The following CDH15 variants were observed in gnomAD, a reference collection of about 807,000 sequenced individuals.
The protein encoded by CDH15 is cadherin-15.
CDH15 carries 73 observed loss-of-function variants against 69.4 expected under a neutral mutation model. The observed-to-expected ratio is 1.05, with a 90% CI of 0.87 to 1.28. The LOEUF (loss-of-function observed/expected upper bound fraction) is 1.28. Among genes scored for constraint, CDH15 ranks in the 50% most tolerant of loss-of-function variants. The pLI is 0.00. For synonymous variants in CDH15, 624 were observed against 507.7 expected (o/e 1.23, Z -3.08); for missense variants, 1,343 against 1,133.6 (o/e 1.18, Z -2.65).
At position 89,192,153 on chromosome 16, in the gene CDH15, G is replaced by A. The variant is rs539880182; in HGVS notation, c.1616-52G>A. The A allele has an allele frequency of 1.2e-5, 18 of 1,482,872 alleles. No homozygotes were observed. In the African/African-American group the frequency reaches 2.1e-4, roughly 17 times the overall value. The allele number at this position is 1,482,872 out of a possible 1,614,324, so 91.9% of individuals were successfully genotyped here. On this transcript the variant is annotated intron_variant, in intron 10 of 13. Coordinates refer to ENST00000289746, the MANE Select transcript of CDH15 (RefSeq NM_004933.3). ...CTGTCTCGGCGCGAGGAGGGCAGGC[G>A]AAGTGGGGGCGGCCTCGGGAGGCCC...
At chr16:89,179,631 C>A (rs1254964192) in intron 2 of CDH15, 57 bp downstream of exon 2, 36 of 1,483,536 alleles carry the variant, frequency 2.4e-5, no homozygotes, top group Non-Finnish European at 3.3e-5. Flanking sequence ...CCCAGTGGGC[C>A]TCCCTCATTC....
rs1263181188 is a variant in CDH15 at position 89,195,072 on chromosome 16, T to A, written c.2362T>A (p.Tyr788Asn). The A allele has an allele frequency of 1.9e-6, 3 of 1,612,132 alleles. No homozygotes were observed. The highest frequency in any genetic ancestry group is 1.7e-6 in the Non-Finnish European group (2 of 1,179,726). Reference sequence around the variant, plus strand: ...GTATGGGCACCCGTGCGGGTTGGAGTACGGGGCCAGATGGGACCACCAGGC... The same window carrying A: ...GTATGGGCACCCGTGCGGGTTGGAGAACGGGGCCAGATGGGACCACCAGGC... ...DMYGHPCGLE[Y>N]GARWDHQARE... The change falls in exon 14 of 14, where the codon TAC (tyrosine) becomes AAC (asparagine). Residue 788 changes from tyrosine to asparagine, a missense_variant. By Grantham distance (143) the Tyr-to-Asn change is moderately radical. Transcript: ENST00000289746.
At chr16:89,177,693 C>G (rs2151598278) in intron 1 of CDH15, among the ~76,000 whole-genome samples, 1 of 152,300 alleles carries the variant, frequency 6.6e-6, no homozygotes, top group South Asian at 2.1e-4. Flanking sequence ...CAGGCAGACT[C>G]TGTGCCCCAA....
intron 1 of CDH15, among the ~76,000 whole-genome samples, chr16:89,178,851 G>A (rs1225066193): frequency 6.6e-6 from 1 of 152,168 alleles, no homozygotes; most frequent in Non-Finnish European, 1.5e-5. Context: ...CACCTCCCCT[G>A]CCGCTCCCCC....
chr16:89,183,401 C>T, intron 3 of CDH15, 147 bp from the exon 4 acceptor site: 2 of 866,820 alleles, frequency 2.3e-6, no homozygotes, highest in Non-Finnish European at 3.6e-6. Context: ...GTGACAGATG[C>T]CCCACCCTGT....
intron 3 of CDH15, among the ~76,000 whole-genome samples, chr16:89,180,974 C>CTTTCTTTTTTTTTT (rs1915364856): frequency 1.0e-5 from 1 of 96,988 alleles, no homozygotes; most frequent in Non-Finnish European, 1.9e-5. Context: ...CGCGCCCGAC[C>CTTTCTTTTTTTTTT]TTTTTTTTTT....
chr16:89,174,837 C>T (rs989652736), intron 1 of CDH15, among the ~76,000 whole-genome samples: 2 of 152,132 alleles, frequency 1.3e-5, no homozygotes, highest in African/African-American at 4.8e-5. Flanking sequence ...TCCCAGGGTG[C>T]TTGCGTCCCC....
At chr16:89,174,638 G>A (rs536662497) in intron 1 of CDH15, among the ~76,000 whole-genome samples, 4 of 152,304 alleles carry the variant, frequency 2.6e-5, no homozygotes, top group East Asian at 3.9e-4. Flanking sequence ...GCTGCAGGGC[G>A]GTGGCCCCAG....
intron 7 of CDH15, among the ~76,000 whole-genome samples, chr16:89,189,344 C>CACACACAGATGCCGGA: frequency 1.3e-5 from 1 of 79,958 alleles, no homozygotes; most frequent in East Asian, 5.4e-4. Context: ...CACAGATGCC[C>CACACACAGATGCCGGA]ACACACAGAT....
rs1915646568 is a variant in CDH15 at position 89,191,717 on chromosome 16, G to T, written c.1438G>T (p.Ala480Ser). ...CGAGATCCTGGAGGTGAACGACCAT[G>T]CACCTGTGCTGGCCCCGCCGCCGCC... ...SIEILEVNDH[A>S]PVLAPPPPGS... is the part of the protein sequence containing the mutation. Residue 480 changes from alanine (A) to serine (S), a missense_variant, in exon 10 of 14, where the codon GCA becomes TCA. Physicochemically the swap from Ala to Ser is moderately conservative, Grantham distance 99 (BLOSUM62 1). Coordinates refer to ENST00000289746, the MANE Select transcript of CDH15 (RefSeq NM_004933.3). 6.2e-7 allele frequency: 1 copy of T among 1,603,462 alleles called. No homozygotes were observed. The highest frequency in any genetic ancestry group is 8.5e-7 in the Non-Finnish European group (1 of 1,178,796).
chr16:89,194,037 G>C, intron 13 of CDH15, 124 bp downstream of exon 13: 1 of 1,093,598 alleles, frequency 9.1e-7, no homozygotes, highest in Non-Finnish European at 1.3e-6. Context: ...GGCCGTCCCA[G>C]AGCACCGCAG....
At position 89,193,914 on chromosome 16, in the gene CDH15, G is replaced by A. The variant is rs1463788606; in HGVS notation, c.2151+1G>A. 1 of 1,611,858 alleles carries A rather than the reference G, an allele frequency of 6.2e-7. No individual in the cohort carries two copies. The highest frequency in any genetic ancestry group is 1.3e-5 in the African/African-American group (1 of 74,916). On this transcript the variant is annotated splice_donor_variant, in intron 13 of 13. Coordinates refer to ENST00000289746, the MANE Select transcript of CDH15 (RefSeq NM_004933.3). LOFTEE classifies it high-confidence loss of function. ...GGACATCGCCGACTTCATCAATGAT[G>A]TAGGTGCTCCTGGGGACACCCCAGT...
chr16:89,171,976 T>C, intron 1 of CDH15, 103 bp downstream of exon 1: 6 of 1,263,100 alleles, frequency 4.8e-6, no homozygotes, highest in Non-Finnish European at 6.7e-6. Context: ...CCACTGGCCC[T>C]GGTCGCCTTT....
chr16:89,191,210 G>A, intron 8 of CDH15, 120 bp from the exon 9 acceptor site: 1 of 1,121,870 alleles, frequency 8.9e-7, no homozygotes, highest in Non-Finnish European at 1.3e-6. Context: ...ATGTGTGCAT[G>A]CATGTGGTAT....
intron 6 of CDH15, among the ~76,000 whole-genome samples, chr16:89,187,867 C>G (rs990059007): frequency 1.3e-5 from 2 of 152,202 alleles, no homozygotes; most frequent in Non-Finnish European, 2.9e-5. Flanking sequence ...GAGCACGAAG[C>G]TGAGCCCACA....
intron 1 of CDH15, among the ~76,000 whole-genome samples, chr16:89,176,315 G>A (rs760796711): frequency 2.6e-5 from 4 of 152,208 alleles, no homozygotes; most frequent in Non-Finnish European, 5.9e-5. Flanking sequence ...GCTGAGGAGA[G>A]CGGGCAGCCT....
At chr16:89,175,982 TG>T (rs1915247720) in intron 1 of CDH15, among the ~76,000 whole-genome samples, 1 of 152,234 alleles carries the variant, frequency 6.6e-6, no homozygotes. Flanking sequence ...GGGCCAGCCC[TG>T]GGCACAGGAC....
intron 1 of CDH15, among the ~76,000 whole-genome samples, chr16:89,178,463 C>T (rs1354525667): frequency 1.3e-5 from 2 of 152,186 alleles, no homozygotes; most frequent in Non-Finnish European, 2.9e-5. Context: ...CCGAGGTACC[C>T]TGTTCTGGGA....
intron 7 of CDH15, among the ~76,000 whole-genome samples, chr16:89,189,298 C>T (rs1336004242): frequency 7.0e-6 from 1 of 142,500 alleles, no homozygotes; most frequent in Admixed American, 7.1e-5. Context: ...CACAGATGCC[C>T]ACACACAGAT....
Sources: allele counts gnomAD v4.1 joint callset (sites outside exome capture counted in the v4.1 genomes callset), GRCh38; gene constraint gnomAD v4.1.1; transcripts MANE v1.5; gene names NCBI Gene and HGNC (gene_info 2026-07-23, HGNC 2026-07-21).